ANTXR1: variants seen among roughly 807,000 people sequenced by gnomAD.
ANTXR1 encodes the protein anthrax toxin receptor 1.
Under a neutral mutation model 78.1 loss-of-function variants are expected in ANTXR1, and 19 were observed. The ratio of observed to expected loss-of-function variants is 0.24; its 90% CI spans 0.17 to 0.36. The LOEUF (loss-of-function observed/expected upper bound fraction) is 0.36, where lower values mean the gene tolerates loss of function less well. Ranked by LOEUF, ANTXR1 falls within the 10% of genes least tolerant of loss-of-function variation. ANTXR1 has a pLI of 1.00. For synonymous variants in ANTXR1, 273 were observed against 260.5 expected (o/e 1.05, Z -0.46); for missense variants, 518 against 718.6 (o/e 0.72, Z 3.19).
chr2:69,227,535 A>T (rs563575789), intron 17 of ANTXR1, among the ~76,000 whole-genome samples: 13 of 152,342 alleles, frequency 8.5e-5, no homozygotes, highest in African/African-American at 2.9e-4. Flanking sequence ...TATTTAGGTT[A>T]GAAGTTCAGC....
rs373592738 is a variant in ANTXR1, at chr2:69,029,795, A to G, written c.153-10249A>G. ...CGGAATGGAAAATATATGTGAAAAA[A>G]TATATAAGAAAAAGACATGGCATAA... On this transcript the variant is annotated intron_variant, in intron 1 of 17. Coordinates refer to ENST00000303714, the MANE Select transcript of ANTXR1 (RefSeq NM_032208.3). Among the ~76,000 whole-genome samples the G allele has an allele frequency of 9.8e-3, 1,489 of 152,278 alleles. 23 individuals carry two copies. Among genetic ancestry groups the G allele is most frequent in the African/African-American group, 0.033 (1,388 of 41,558 alleles).
rs568307479 is a variant in ANTXR1, at chr2:69,070,504, G to A, written c.297-143G>A. The A allele has an allele frequency of 1.0e-3, 771 of 751,672 alleles. 1 individual carries two copies. Among genetic ancestry groups the A allele is most frequent in the Non-Finnish European group, 1.7e-3 (728 of 420,658 alleles). 46.6% of individuals were successfully genotyped at this position (751,672 alleles called of 1,614,324 possible). A position where few individuals can be genotyped will look rare whatever the true frequency, so the allele number is the denominator to read the frequency against. ...TTGACCCTGAACGGATAATATAAAG[G>A]CCTTCCCTTTGATAGGCTTTTGGGG... is the stretch of plus-strand genomic sequence containing the variant. On this transcript the variant is annotated intron_variant, in intron 3 of 17. Transcript: ENST00000303714.
At chr2:69,164,335 T>C (rs1451864248) in intron 13 of ANTXR1, among the ~76,000 whole-genome samples, 1 of 152,198 alleles carries the variant, frequency 6.6e-6, no homozygotes, top group African/African-American at 2.4e-5. Context: ...TGAAGAAACA[T>C]TTATATGGAG....
intron 8 of ANTXR1, 56 bp from the exon 9 acceptor site, chr2:69,090,803 T>C (rs1246746759): frequency 6.3e-7 from 1 of 1,582,360 alleles, no homozygotes; most frequent in African/African-American, 1.3e-5. Flanking sequence ...GAACCCTGAT[T>C]CTGTCTTTGA....
At chr2:69,102,785 T>C in intron 9 of ANTXR1, 57 bp from the exon 10 acceptor site, 2 of 1,498,630 alleles carry the variant, frequency 1.3e-6, no homozygotes, top group South Asian at 2.3e-5. Flanking sequence ...TCAGGGCAGA[T>C]GCGAAGCTTA....
chr2:69,243,285 G>GGCT (rs1477019591), intron 17 of ANTXR1, among the ~76,000 whole-genome samples: 1 of 152,210 alleles, frequency 6.6e-6, no homozygotes, highest in Non-Finnish European at 1.5e-5. Context: ...CACCCTGTGA[G>GGCT]GCTGTGAGTT....
intron 9 of ANTXR1, 47 bp from the exon 10 acceptor site, chr2:69,102,795 A>G: frequency 6.5e-7 from 1 of 1,544,330 alleles, no homozygotes; most frequent in East Asian, 2.2e-5. Flanking sequence ...TGCGAAGCTT[A>G]AGGTTATTGG....
chr2:69,072,738 G>A (rs1243531708), intron 5 of ANTXR1, among the ~76,000 whole-genome samples: 1 of 152,210 alleles, frequency 6.6e-6, no homozygotes, highest in African/African-American at 2.4e-5. Context: ...TGATTCACCG[G>A]TGCTACTCCC....
rs1275019995 is a variant in ANTXR1, at chr2:69,013,863, C to G, written c.152+212C>G. The stretch of plus-strand genomic sequence containing the variant: ...CCAGAGCCCGCAGCCGAGGCGACGC[C>G]GCTTGCTCGGAAGGGGACAGACTTC... On this transcript the variant is annotated intron_variant, in intron 1 of 17. Coordinates refer to ENST00000303714, the MANE Select transcript of ANTXR1 (RefSeq NM_032208.3). The surrounding 1 kb of genome is among the most constrained non-coding windows in gnomAD (Gnocchi z 5.0). 6.6e-6 allele frequency among the ~76,000 whole-genome samples: 1 copy of G among 152,204 alleles called. No individual in the cohort carries two copies. Among genetic ancestry groups the G allele is most frequent in the Admixed American group, 6.5e-5 (1 of 15,286 alleles).
intron 13 of ANTXR1, among the ~76,000 whole-genome samples, chr2:69,165,620 G>A (rs1296312617): frequency 6.6e-6 from 1 of 152,262 alleles, no homozygotes; most frequent in African/African-American, 2.4e-5. Context: ...ACTAGGCCTG[G>A]CATTCTTTTG....
At chr2:69,084,525 G>A (rs1193625191) in intron 8 of ANTXR1, among the ~76,000 whole-genome samples, 2 of 150,784 alleles carry the variant, frequency 1.3e-5, no homozygotes, top group East Asian at 1.9e-4. Flanking sequence ...GTGTATTAGT[G>A]TACATAAAAT....
chr2:69,029,045 C>A (rs564004573), intron 1 of ANTXR1, among the ~76,000 whole-genome samples: 5 of 148,448 alleles, frequency 3.4e-5, no homozygotes, highest in Admixed American at 2.0e-4. Flanking sequence ...GTTGAGACCC[C>A]CCCCCCTCCA....
At chr2:69,033,541 C>T (rs1671590829) in intron 1 of ANTXR1, among the ~76,000 whole-genome samples, 1 of 152,188 alleles carries the variant, frequency 6.6e-6, no homozygotes, top group Admixed American at 6.5e-5. Flanking sequence ...GGGAGCACAA[C>T]AGCAAATGAA....
intron 1 of ANTXR1, among the ~76,000 whole-genome samples, chr2:69,033,865 T>C (rs1402795203): frequency 6.6e-6 from 1 of 152,222 alleles, no homozygotes; most frequent in Admixed American, 6.5e-5. Flanking sequence ...TTGGCCAACT[T>C]GATTCTTTCT....
chr2:69,149,620 A>C (rs552708500), intron 12 of ANTXR1, among the ~76,000 whole-genome samples: 1 of 152,226 alleles, frequency 6.6e-6, no homozygotes, highest in Non-Finnish European at 1.5e-5. Context: ...AGAACCACTT[A>C]TTATTCCAAA....
chr2:69,062,055 A>C (rs771428771), intron 3 of ANTXR1, among the ~76,000 whole-genome samples: 3 of 152,214 alleles, frequency 2.0e-5, no homozygotes, highest in Non-Finnish European at 4.4e-5. Flanking sequence ...TAAGCAGAGA[A>C]GGTTCTGCAG....
At chr2:69,202,551 G>A (rs1286295408) in intron 17 of ANTXR1, among the ~76,000 whole-genome samples, 3 of 152,206 alleles carry the variant, frequency 2.0e-5, no homozygotes, top group Non-Finnish European at 2.9e-5. Context: ...ATCCAGTAGA[G>A]GAAGGGGTTG....
At chr2:69,098,705 G>A (rs1671508029) in intron 9 of ANTXR1, among the ~76,000 whole-genome samples, 1 of 152,058 alleles carries the variant, frequency 6.6e-6, no homozygotes, top group South Asian at 2.1e-4. Context: ...TACAATTCAG[G>A]CCAGGCGTGG....
rs565131406 is a variant in ANTXR1, at chr2:69,013,430, T to C, written c.-70T>C. The C allele has an allele frequency of 2.6e-6, 4 of 1,562,974 alleles. No individual in the cohort carries two copies. The East Asian group carries it at 9.2e-5, about 36-fold the overall frequency. ...CGAGGAAGGGCCCGCGGATGGCGCG[T>C]CCCTGAGGGTCGTGGCGAGTTCGCG... On this transcript the variant is annotated 5_prime_UTR_variant, in exon 1 of 18. Transcript: ENST00000303714. The surrounding 1 kb of genome is among the most constrained non-coding windows in gnomAD (Gnocchi z 5.0).
Sources: gnomAD v4.1 joint callset for allele counts (sites outside exome capture counted in the v4.1 genomes callset) on GRCh38, gnomAD v4.1.1 for gene constraint, Gnocchi (gnomAD v3.1) non-coding constraint, MANE v1.5 for transcripts, NCBI Gene and HGNC (gene_info 2026-07-23, HGNC 2026-07-21) for gene names.